Variants in SAMD5 observed in about 807,000 individuals in gnomAD.
The protein encoded by SAMD5 is sterile alpha motif domain containing 5.
SAMD5 carries 13 observed loss-of-function variants against 11.3 expected under a neutral mutation model. The ratio of observed to expected loss-of-function variants is 1.15; its 90% CI spans 0.75 to 1.83. The LOEUF (loss-of-function observed/expected upper bound fraction) is 1.83. SAMD5 is among the 40% of genes most tolerant of loss of function. The pLI is 0.00. For synonymous variants in SAMD5, 129 were observed against 111.3 expected (o/e 1.16, Z -1.00); for missense variants, 255 against 239.1 (o/e 1.07, Z -0.44).
intron 1 of SAMD5, among the ~76,000 whole-genome samples, chr6:147,656,853 C>T (rs1287422507): frequency 6.6e-6 from 1 of 151,642 alleles, no homozygotes; most frequent in Non-Finnish European, 1.5e-5. Context: ...AGCAATCCCG[C>T]TTCTAAGAAT....
rs1789083318 is a variant in SAMD5, at chr6:147,568,679, C to A, written c.*4223C>A. 2 of 985,214 alleles carry A rather than the reference C, an allele frequency of 2.0e-6. No individual in the cohort carries two copies. Among genetic ancestry groups the A allele is most frequent in the African/African-American group, 3.5e-5 (2 of 57,230 alleles). 61.0% of individuals were successfully genotyped at this position (985,214 alleles called of 1,614,324 possible). A position where few individuals can be genotyped will look rare whatever the true frequency, so the allele number is the denominator to read the frequency against. On this transcript the variant is annotated 3_prime_UTR_variant, in exon 2 of 2. Transcript: ENST00000367474. ...ATCAAATGAGTTGTGCAGAGCAGAGCAAATCTATTAGGCTTTCTCTTTTAG... is the reference window on the plus strand; with the variant it reads ...ATCAAATGAGTTGTGCAGAGCAGAGAAAATCTATTAGGCTTTCTCTTTTAG...
At chr6:147,647,482 G>A (rs1467762110) in intron 1 of SAMD5, among the ~76,000 whole-genome samples, 1 of 152,148 alleles carries the variant, frequency 6.6e-6, no homozygotes, top group East Asian at 1.9e-4. Flanking sequence ...CCGAGTTTCA[G>A]GTGCCAGTGG....
chr6:147,686,843 C>T (rs1354957876), intron 1 of SAMD5, among the ~76,000 whole-genome samples: 2 of 152,046 alleles, frequency 1.3e-5, no homozygotes, highest in African/African-American at 4.8e-5. Flanking sequence ...TTTGGCTTCT[C>T]AGAACAAAAC....
At chr6:147,845,071 T>C in the SAMD5 span, among the ~76,000 whole-genome samples, 1 of 152,200 alleles carries the variant, frequency 6.6e-6, no homozygotes, top group Non-Finnish European at 1.5e-5. Flanking sequence ...CCGCATTGTA[T>C]ACACGTATCA....
the SAMD5 span, among the ~76,000 whole-genome samples, chr6:147,816,301 A>AAAAATATATATATAT: frequency 1.2e-3 from 78 of 66,334 alleles, 1 homozygote; most frequent in Non-Finnish European, 8.8e-4. Flanking sequence ...AAAAAAAAAA[A>AAAAATATATATATAT]ATATATATAT....
chr6:147,575,750 C>T (rs1305210011), intron 1 of SAMD5, among the ~76,000 whole-genome samples: 1 of 152,136 alleles, frequency 6.6e-6, no homozygotes, highest in Non-Finnish European at 1.5e-5. Context: ...TATTATTCTC[C>T]AGTGGGTCTC....
intron 1 of SAMD5, among the ~76,000 whole-genome samples, chr6:147,576,037 C>A (rs1264929144): frequency 1.3e-5 from 2 of 152,224 alleles, no homozygotes; most frequent in East Asian, 1.9e-4. Flanking sequence ...GTTCTCACTG[C>A]TGGTTCAGGG....
At chr6:147,926,941 C>T in the SAMD5 span, among the ~76,000 whole-genome samples, 1 of 152,174 alleles carries the variant, frequency 6.6e-6, no homozygotes, top group Non-Finnish European at 1.5e-5. Flanking sequence ...GTAGCCATTG[C>T]TTGTTTTTGT....
In SAMD5 at chr6:147,713,447, C is replaced by G. The variant is rs141395449; in HGVS notation, c.163-23870C>G. ...ACATAACCTGGGTTGTTCTGGATAC[C>G]TCCTCATTATCTTAGGATGTTGCAT... On this transcript the variant is annotated intron_variant, in intron 1 of 1. Coordinates refer to the SAMD5 transcript ENST00000566741. Among the ~76,000 whole-genome samples, 444 of 152,196 alleles carry G rather than the reference C, an allele frequency of 2.9e-3. 2 individuals carry two copies. The highest frequency in any genetic ancestry group is 0.01 in the African/African-American group (434 of 41,502).
At chr6:147,516,090 G>A (rs574632139) in intron 1 of SAMD5, among the ~76,000 whole-genome samples, 1 of 152,252 alleles carries the variant, frequency 6.6e-6, no homozygotes, top group African/African-American at 2.4e-5. Context: ...GGGCTAGATG[G>A]CTGACCACCA....
chr6:147,636,011 T>C (rs968220638), intron 1 of SAMD5, among the ~76,000 whole-genome samples: 4 of 152,244 alleles, frequency 2.6e-5, no homozygotes, highest in African/African-American at 9.6e-5. Context: ...ATTTAGCAGT[T>C]GATTCAACCA....
At chr6:147,944,466 G>A in the SAMD5 span, among the ~76,000 whole-genome samples, 1 of 152,112 alleles carries the variant, frequency 6.6e-6, no homozygotes, top group African/African-American at 2.4e-5. Flanking sequence ...AGAACAGCAT[G>A]GGAAAGACCC....
chr6:147,653,467 G>A (rs756099250), intron 1 of SAMD5, among the ~76,000 whole-genome samples: 2 of 152,156 alleles, frequency 1.3e-5, no homozygotes, highest in Non-Finnish European at 2.9e-5. Context: ...TGGCTCCGTC[G>A]AGCAGTCCTC....
the SAMD5 span, among the ~76,000 whole-genome samples, chr6:147,801,012 G>A: frequency 6.6e-6 from 1 of 151,928 alleles, no homozygotes; most frequent in Non-Finnish European, 1.5e-5. Flanking sequence ...TGTAATACAT[G>A]TATTTTATTA....
At chr6:147,640,162 C>T (rs1790288680) in intron 1 of SAMD5, among the ~76,000 whole-genome samples, 1 of 151,936 alleles carries the variant, frequency 6.6e-6, no homozygotes, top group African/African-American at 2.4e-5. Context: ...CCTGTCTCTA[C>T]TAAAAATACA....
At chr6:147,953,441 T>C in the SAMD5 span, 1 of 152,200 alleles carries the variant, frequency 6.6e-6, no homozygotes, top group Non-Finnish European at 1.5e-5. Flanking sequence ...CTGAAAAATA[T>C]CTTAGCATCC....
chr6:147,578,965 T>C (rs1397557297), intron 1 of SAMD5, among the ~76,000 whole-genome samples: 1 of 152,254 alleles, frequency 6.6e-6, no homozygotes, highest in Non-Finnish European at 1.5e-5. Flanking sequence ...GTTCTATGCG[T>C]AGTAAATGTT....
chr6:147,515,423 TCCATCCAA>T (rs759942022), intron 1 of SAMD5, among the ~76,000 whole-genome samples: 5 of 142,596 alleles, frequency 3.5e-5, no homozygotes, highest in Non-Finnish European at 7.5e-5. Context: ...CCATCCGTCT[TCCATCCAA>T]CCATCCATCC....
intron 1 of SAMD5, among the ~76,000 whole-genome samples, chr6:147,537,755 CA>C (rs34367490): frequency 0.71 from 99,813 of 139,874 alleles, 35,172 homozygotes; most frequent in East Asian, 0.91. Flanking sequence ...GACTCCGTCT[CA>C]AAAAAAAAAA....
Sources: allele counts gnomAD v4.1 joint callset (sites outside exome capture counted in the v4.1 genomes callset), GRCh38; gene constraint gnomAD v4.1.1; transcripts MANE v1.5; gene names NCBI Gene and HGNC (gene_info 2026-07-23, HGNC 2026-07-21).